GNAQ: variants seen among roughly 807,000 people sequenced by gnomAD.
GNAQ encodes the protein guanine nucleotide-binding protein G(q) subunit alpha.
In GNAQ, 8 loss-of-function variants were observed where a neutral mutation model predicts 43.9. The ratio of observed to expected loss-of-function variants is 0.18; its 90% CI spans 0.11 to 0.33. The LOEUF is 0.33. Ranked by LOEUF, GNAQ falls within the 10% of genes least tolerant of loss-of-function variation. The pLI is 1.00. For synonymous variants in GNAQ, 155 were observed against 170.7 expected (o/e 0.91, Z 0.71); for missense variants, 158 against 450.8 (o/e 0.35, Z 5.88).
chr9:77,754,647 T>C (rs1041242865), intron 5 of GNAQ, among the ~76,000 whole-genome samples: 1 of 152,140 alleles, frequency 6.6e-6, no homozygotes, highest in African/African-American at 2.4e-5. Flanking sequence ...GCACAGGAGC[T>C]GGGGATCAAG....
At chr9:78,003,145 A>T (rs531348278) in intron 1 of GNAQ, among the ~76,000 whole-genome samples, 40 of 152,328 alleles carry the variant, frequency 2.6e-4, no homozygotes, top group Non-Finnish European at 4.7e-4. Flanking sequence ...TTCAAAACCA[A>T]ATTTGTGTCT....
intron 2 of GNAQ, among the ~76,000 whole-genome samples, chr9:77,854,628 A>G (rs922304904): frequency 6.6e-6 from 1 of 152,198 alleles, no homozygotes; most frequent in African/African-American, 2.4e-5. Flanking sequence ...TCATTCATAA[A>G]CAAACGTGTG....
intron 1 of GNAQ, among the ~76,000 whole-genome samples, chr9:77,930,566 A>C (rs1829134828): frequency 6.6e-6 from 1 of 152,176 alleles, no homozygotes; most frequent in Admixed American, 6.6e-5. Flanking sequence ...AAAAGGCTCA[A>C]ACATATATAT....
At chr9:77,936,146 T>A (rs1005498992) in intron 1 of GNAQ, among the ~76,000 whole-genome samples, 4 of 152,176 alleles carry the variant, frequency 2.6e-5, no homozygotes, top group Non-Finnish European at 5.9e-5. Flanking sequence ...ACCATTTGCC[T>A]GAAAAACGAG....
At position 77,825,798 on chromosome 9, in the gene GNAQ, C is replaced by T. The variant is rs146418655; in HGVS notation, c.322-10028G>A. Among the ~76,000 whole-genome samples the T allele has an allele frequency of 2.0e-4, 30 of 152,112 alleles. 1 individual carries two copies. The East Asian group carries it at 5.4e-3, about 27-fold the overall frequency. On this transcript the variant is annotated intron_variant, in intron 2 of 6. Coordinates refer to ENST00000286548, the MANE Select transcript of GNAQ (RefSeq NM_002072.5). Reference sequence around the variant, plus strand: ...AAAACTGGAATAAATGCTAAACAGGCGGGAGGCTGGGACAACAGGTGCAAA... The same window carrying T: ...AAAACTGGAATAAATGCTAAACAGGTGGGAGGCTGGGACAACAGGTGCAAA...
chr9:77,727,311 C>T (rs146843939), intron 6 of GNAQ, among the ~76,000 whole-genome samples: 3 of 152,274 alleles, frequency 2.0e-5, no homozygotes, highest in Middle Eastern at 6.8e-3. Context: ...AATCACCACA[C>T]CTGGCCACAT....
At position 77,862,663 on chromosome 9, in the gene GNAQ, T is replaced by C. The variant is rs534341372; in HGVS notation, c.322-46893A>G. Among the ~76,000 whole-genome samples the C allele has an allele frequency of 7.2e-5, 11 of 152,350 alleles. No individual in the cohort carries two copies. In the South Asian group the frequency reaches 2.1e-3, roughly 29 times the overall value. On this transcript the variant is annotated intron_variant, in intron 2 of 6. Coordinates refer to ENST00000286548, the MANE Select transcript of GNAQ (RefSeq NM_002072.5). The stretch of plus-strand genomic sequence containing the variant: ...GAGGGTGCTGAAAAGGTCTCTGACA[T>C]GCCCTGGAAACATTTTCCCTATTGT...
chr9:77,928,419 C>A (rs989795961), intron 1 of GNAQ, among the ~76,000 whole-genome samples: 3 of 152,180 alleles, frequency 2.0e-5, no homozygotes, highest in Non-Finnish European at 4.4e-5. Flanking sequence ...GGAAACTGGA[C>A]ATGTAATTTA....
At chr9:77,796,511 A>C (rs1282477735) in intron 4 of GNAQ, among the ~76,000 whole-genome samples, 1 of 152,236 alleles carries the variant, frequency 6.6e-6, no homozygotes. Context: ...AGATTGAATG[A>C]AAGTACATCA....
At chr9:77,855,417 CTG>C (rs1287986515) in intron 2 of GNAQ, among the ~76,000 whole-genome samples, 1 of 151,996 alleles carries the variant, frequency 6.6e-6, no homozygotes, top group Non-Finnish European at 1.5e-5. Context: ...GAGATATAAG[CTG>C]TGTTTTAAAT....
chr9:77,977,122 C>T (rs1176815958), intron 1 of GNAQ, among the ~76,000 whole-genome samples: 1 of 152,040 alleles, frequency 6.6e-6, no homozygotes, highest in Non-Finnish European at 1.5e-5. Flanking sequence ...AGAAATTAGG[C>T]CTGAGAGAGG....
intron 1 of GNAQ, among the ~76,000 whole-genome samples, chr9:78,028,166 CAA>C (rs1824005594): frequency 6.6e-6 from 1 of 151,990 alleles, no homozygotes; most frequent in African/African-American, 2.4e-5. Context: ...ACATAGAATA[CAA>C]AGAGTAAGTT....
chr9:77,971,747 C>T lies in GNAQ; in HGVS notation c.137-49402G>A, dbSNP rs1392046195. The stretch of plus-strand genomic sequence containing the variant: ...GACAAGAATGCCCTCTCTCACCACT[C>T]CTATTCAATATAGTATTGGAAGTTC... On this transcript the variant is annotated intron_variant, in intron 1 of 6. Coordinates refer to ENST00000286548, the MANE Select transcript of GNAQ (RefSeq NM_002072.5). Among the ~76,000 whole-genome samples the T allele has an allele frequency of 2.6e-5, 4 of 152,318 alleles. No homozygotes were observed. In the East Asian group the frequency reaches 7.7e-4, roughly 29 times the overall value.
intron 1 of GNAQ, among the ~76,000 whole-genome samples, chr9:77,969,991 G>C (rs571757391): frequency 1.1e-3 from 163 of 152,268 alleles, no homozygotes; most frequent in African/African-American, 3.8e-3. Flanking sequence ...GGCAGAGGCG[G>C]GCAGATCACC....
chr9:78,024,533 C>T (rs910372552), intron 1 of GNAQ, among the ~76,000 whole-genome samples: 26 of 152,100 alleles, frequency 1.7e-4, no homozygotes, highest in African/African-American at 5.8e-4. Context: ...TAAAATCATC[C>T]GCATTCCCCA....
chr9:77,795,808 G>A (rs1485030653), intron 4 of GNAQ, among the ~76,000 whole-genome samples: 4 of 152,148 alleles, frequency 2.6e-5, no homozygotes, highest in Admixed American at 1.3e-4. Context: ...ACACTGGGCC[G>A]TAAAAGATGC....
At chr9:77,886,436 A>G (rs1487822289) in intron 2 of GNAQ, among the ~76,000 whole-genome samples, 1 of 150,786 alleles carries the variant, frequency 6.6e-6, no homozygotes, top group Non-Finnish European at 1.5e-5. Context: ...TGTTCCAACC[A>G]TTTCTCCCCA....
At chr9:77,734,115 G>T (rs1371490910) in intron 5 of GNAQ, among the ~76,000 whole-genome samples, 1 of 152,192 alleles carries the variant, frequency 6.6e-6, no homozygotes, top group Non-Finnish European at 1.5e-5. Context: ...TACTCAGCAG[G>T]CTGGCTTTCC....
At chr9:77,807,220 C>G (rs1003897344) in intron 3 of GNAQ, among the ~76,000 whole-genome samples, 1 of 152,148 alleles carries the variant, frequency 6.6e-6, no homozygotes, top group East Asian at 1.9e-4. Flanking sequence ...AAAAAAGGTG[C>G]TGAATGACCT....
Sources: gnomAD v4.1 joint callset for allele counts (sites outside exome capture counted in the v4.1 genomes callset) on GRCh38, gnomAD v4.1.1 for gene constraint, MANE v1.5 for transcripts, NCBI Gene and HGNC (gene_info 2026-07-23, HGNC 2026-07-21) for gene names.